The following DPP10 variants were observed in gnomAD, a reference collection of about 807,000 sequenced individuals.
DPP10 encodes dipeptidyl peptidase like 10, also known as inactive dipeptidyl peptidase 10.
A neutral mutation model predicts 120.9 loss-of-function variants in DPP10; 33 were observed. The observed-to-expected ratio is 0.27, with a 90% confidence interval of 0.21 to 0.37. The LOEUF (loss-of-function observed/expected upper bound fraction) is 0.37. Among genes scored for constraint, DPP10 ranks in the 10% least tolerant of loss-of-function variants. The probability of loss-of-function intolerance (pLI) is 1.00; values close to 1 mark genes in which losing one functional copy is unlikely to be tolerated. For missense variants in DPP10, 816 were observed against 942.8 expected (o/e 0.87, Z 1.76); for synonymous variants, 337 against 326.1 (o/e 1.03, Z -0.36).
intron 5 of DPP10, among the ~76,000 whole-genome samples, chr2:115,569,332 G>T (rs768230996): frequency 6.6e-6 from 1 of 152,124 alleles, no homozygotes; most frequent in Non-Finnish European, 1.5e-5. Flanking sequence ...ACAAAAGTTT[G>T]TTGGCTAATG....
intron 3 of DPP10, among the ~76,000 whole-genome samples, chr2:115,481,241 G>A (rs2075408278): frequency 6.6e-6 from 1 of 151,980 alleles, no homozygotes; most frequent in Non-Finnish European, 1.5e-5. Flanking sequence ...GGGTCAACTG[G>A]GTCCATCATA....
chr2:115,378,201 C>G lies in DPP10; in HGVS notation c.271+34289C>G, dbSNP rs1435996045. On this transcript the variant is annotated intron_variant, in intron 3 of 25. Coordinates refer to ENST00000410059, the MANE Select transcript of DPP10 (RefSeq NM_020868.6). ...TACCCATGAGCATGGAATGTCCTTC[C>G]ATTTGTTTGTATCCTCTTTTATTTC... Among the ~76,000 whole-genome samples the G allele has an allele frequency of 2.6e-5, 4 of 152,104 alleles. No homozygotes were observed. The East Asian group carries it at 7.7e-4, about 29-fold the overall frequency.
chr2:114,538,795 TGAGA>T (rs1460042992), intron 1 of DPP10, among the ~76,000 whole-genome samples: 3 of 152,208 alleles, frequency 2.0e-5, no homozygotes, highest in Non-Finnish European at 2.9e-5. Flanking sequence ...GGACCCAGAC[TGAGA>T]GAATGTCCAA....
At chr2:115,192,647 G>A (rs1055089234) in intron 1 of DPP10, among the ~76,000 whole-genome samples, 1 of 152,124 alleles carries the variant, frequency 6.6e-6, no homozygotes, top group African/African-American at 2.4e-5. Context: ...AGTGCTTCCT[G>A]TATGATTTTT....
At chr2:114,979,388 T>C (rs1699949881) in intron 1 of DPP10, among the ~76,000 whole-genome samples, 1 of 152,038 alleles carries the variant, frequency 6.6e-6, no homozygotes, top group Non-Finnish European at 1.5e-5. Flanking sequence ...ATCATTTTGT[T>C]ACTGTTTTAA....
At chr2:115,095,680 A>G (rs897104005) in intron 1 of DPP10, among the ~76,000 whole-genome samples, 4 of 151,848 alleles carry the variant, frequency 2.6e-5, no homozygotes, top group Non-Finnish European at 5.9e-5. Context: ...CTTGGGTTCA[A>G]ACAGAAATTC....
At chr2:114,819,002 T>TA (rs1403848044) in intron 1 of DPP10, among the ~76,000 whole-genome samples, 1 of 152,162 alleles carries the variant, frequency 6.6e-6, no homozygotes, top group Non-Finnish European at 1.5e-5. Context: ...GACTTAGTGA[T>TA]ACGTTACCTA....
At chr2:115,123,696 A>T (rs1200765712) in intron 1 of DPP10, among the ~76,000 whole-genome samples, 1 of 152,076 alleles carries the variant, frequency 6.6e-6, no homozygotes, top group Non-Finnish European at 1.5e-5. Flanking sequence ...AGACAGTTTA[A>T]CAATCACCTG....
At chr2:115,428,034 A>T (rs573054816) in intron 3 of DPP10, among the ~76,000 whole-genome samples, 1 of 152,172 alleles carries the variant, frequency 6.6e-6, no homozygotes, top group Non-Finnish European at 1.5e-5. Flanking sequence ...TTAGGGCATG[A>T]ACAGAATCCA....
intron 1 of DPP10, among the ~76,000 whole-genome samples, chr2:114,615,006 TG>T (rs983666219): frequency 6.6e-6 from 1 of 152,152 alleles, no homozygotes; most frequent in African/African-American, 2.4e-5. Context: ...CTAACATATA[TG>T]CACATCTCTA....
At chr2:115,544,780 T>A (rs907144179) in intron 5 of DPP10, among the ~76,000 whole-genome samples, 1 of 152,080 alleles carries the variant, frequency 6.6e-6, no homozygotes, top group Non-Finnish European at 1.5e-5. Flanking sequence ...CAGAGGGGTA[T>A]AAACTGTTCC....
chr2:115,357,478 AGACTTGGGCAGCGCCACTCCTGTGGCTTT>A (rs1348959353), intron 3 of DPP10, among the ~76,000 whole-genome samples: 7 of 152,236 alleles, frequency 4.6e-5, no homozygotes, highest in Non-Finnish European at 1.0e-4. Context: ...GGGCTTCCAC[AGACTTGGGCAGCGCCACTCCTGTGGCTTT>A]GCAGGCTACA....
chr2:115,677,824 G>A (rs572867196), intron 5 of DPP10, among the ~76,000 whole-genome samples: 1 of 152,078 alleles, frequency 6.6e-6, no homozygotes, highest in African/African-American at 2.4e-5. Context: ...GTAAAAGCTG[G>A]GGACTTTAAC....
rs897497854 is a variant in DPP10, at chr2:114,634,395, C to T, written c.60+191557C>T. Among the ~76,000 whole-genome samples the T allele has an allele frequency of 7.3e-5, 11 of 151,646 alleles. 1 individual carries two copies. The highest frequency in any genetic ancestry group is 2.7e-4 in the African/African-American group (11 of 41,020). The stretch of plus-strand genomic sequence containing the variant: ...TTAAGTTTTTTTTTATTTGTCTTTT[C>T]CTATTACCCTATCATTAATTGGTGA... On this transcript the variant is annotated intron_variant, in intron 1 of 25. Coordinates refer to ENST00000410059, the MANE Select transcript of DPP10 (RefSeq NM_020868.6).
At chr2:114,564,116 G>A (rs990726905) in intron 1 of DPP10, among the ~76,000 whole-genome samples, 13 of 152,078 alleles carry the variant, frequency 8.5e-5, no homozygotes, top group African/African-American at 2.4e-4. Flanking sequence ...TGTCCTGTGC[G>A]GAGTAAAAGA....
In DPP10 at chr2:115,724,935, C is replaced by G. The variant is rs568330870; in HGVS notation, c.577-2881C>G. On this transcript the variant is annotated intron_variant, in intron 7 of 25. Transcript: ENST00000410059. The stretch of plus-strand genomic sequence containing the variant: ...CACTTTCGAACAGCCAGATCTCACA[C>G]GAACCCACTCATATTGTGAGGACGG... 3.9e-5 allele frequency among the ~76,000 whole-genome samples: 6 copies of G among 152,190 alleles called. No individual in the cohort carries two copies. The East Asian group carries it at 1.2e-3, about 29-fold the overall frequency.
chr2:115,809,187 A>C (rs1419564181), intron 19 of DPP10, among the ~76,000 whole-genome samples: 1 of 152,212 alleles, frequency 6.6e-6, no homozygotes, highest in Non-Finnish European at 1.5e-5. Flanking sequence ...ATCTATGAGA[A>C]GAAATTTAAA....
chr2:115,419,576 T>C (rs985324569), intron 3 of DPP10, among the ~76,000 whole-genome samples: 1 of 152,088 alleles, frequency 6.6e-6, no homozygotes, highest in African/African-American at 2.4e-5. Flanking sequence ...CCTCCAACAC[T>C]GGGGATCACA....
intron 5 of DPP10, among the ~76,000 whole-genome samples, chr2:115,633,439 G>C (rs963114639): frequency 3.9e-5 from 6 of 152,128 alleles, no homozygotes; most frequent in African/African-American, 4.8e-5. Context: ...TGTGGGGTGG[G>C]GGTAAGGGGG....
Sources: gnomAD v4.1 joint callset for allele counts (sites outside exome capture counted in the v4.1 genomes callset) on GRCh38, gnomAD v4.1.1 for gene constraint, MANE v1.5 for transcripts, NCBI Gene and HGNC (gene_info 2026-07-23, HGNC 2026-07-21) for gene names.